ANXA13: variants seen among roughly 807,000 people sequenced by gnomAD.
ANXA13 encodes annexin A13, also known as annexin XIII.
A neutral mutation model predicts 46.6 loss-of-function variants in ANXA13; 36 were observed. The observed-to-expected ratio is 0.77, with a 90% confidence interval of 0.59 to 1.02. The LOEUF (loss-of-function observed/expected upper bound fraction) is 1.02, where lower values mean the gene tolerates loss of function less well. Among genes scored for constraint, ANXA13 ranks in the 50% least tolerant of loss-of-function variants. The pLI is 0.00. For missense variants in ANXA13, 417 were observed against 396.5 expected (o/e 1.05, Z -0.44); for synonymous variants, 163 against 152.9 (o/e 1.07, Z -0.49).
At position 123,681,327 on chromosome 8, in the gene ANXA13, T is replaced by G; in HGVS notation, c.864A>C (p.Gln288His). 1 of 1,614,102 alleles carries G rather than the reference T, an allele frequency of 6.2e-7. No homozygotes were observed. The highest frequency in any genetic ancestry group is 1.1e-5 in the South Asian group (1 of 91,050). The change falls in exon 11 of 11, where the codon CAA becomes CAC. Residue 288 changes from glutamine (Q) to histidine (H), a missense_variant. Transcript: ENST00000419625. ...VDLQGIKAKFQEKYQKSLSDM... is the reference protein window; with the variant it reads ...VDLQGIKAKFHEKYQKSLSDM... ...CAGAGAGAGACTTCTGATACTTCTC[T>G]TGGAACTTTGCTTTGATCCCCTGAA...
intron 10 of ANXA13, among the ~76,000 whole-genome samples, chr8:123,681,813 C>T (rs564193419): frequency 1.2e-4 from 18 of 151,774 alleles, no homozygotes; most frequent in Middle Eastern, 3.4e-3. Flanking sequence ...TTAGTAGAGA[C>T]GGGGGTTTCA....
intron 9 of ANXA13, among the ~76,000 whole-genome samples, chr8:123,686,187 C>T (rs1349362627): frequency 6.6e-6 from 1 of 152,144 alleles, no homozygotes; most frequent in Non-Finnish European, 1.5e-5. Context: ...AAATTATTCA[C>T]TGCAGCCAGG....
At chr8:123,694,173 C>T (rs1813291724) in intron 6 of ANXA13, among the ~76,000 whole-genome samples, 1 of 152,160 alleles carries the variant, frequency 6.6e-6, no homozygotes, top group African/African-American at 2.4e-5. Context: ...CTAACTTGAG[C>T]CCTTTGTGGT....
At chr8:123,705,307 G>A (rs1166523426) in intron 2 of ANXA13, among the ~76,000 whole-genome samples, 1 of 152,200 alleles carries the variant, frequency 6.6e-6, no homozygotes, top group Non-Finnish European at 1.5e-5. Flanking sequence ...AAGCTCGCAT[G>A]TGTTCACTTC....
chr8:123,703,333 T>C (rs1423890153), intron 2 of ANXA13, among the ~76,000 whole-genome samples: 4 of 133,608 alleles, frequency 3.0e-5, no homozygotes, highest in African/African-American at 8.5e-5. Context: ...AGTATACTAG[T>C]GGCTGGGGGT....
chr8:123,695,440 T>G, intron 6 of ANXA13, 62 bp downstream of exon 6: 1 of 1,238,934 alleles, frequency 8.1e-7, no homozygotes, highest in Non-Finnish European at 1.2e-6. Context: ...TTCATCATGG[T>G]GCCATGTTGC....
At chr8:123,716,130 A>T (rs1813754988) in intron 1 of ANXA13, among the ~76,000 whole-genome samples, 2 of 152,144 alleles carry the variant, frequency 1.3e-5, no homozygotes, top group African/African-American at 4.8e-5. Flanking sequence ...CTGTTGCCCA[A>T]GGTAGAGTGT....
rs547247526 is a variant in ANXA13, at chr8:123,708,329, C to T, written c.91+4349G>A. ...TCCGAGAAATTTTCTGGGAAGATAC[C>T]GAGTCACATTTCAGCAGGAAGGGGG... On this transcript the variant is annotated intron_variant, in intron 2 of 10. Coordinates refer to ENST00000419625, the MANE Select transcript of ANXA13 (RefSeq NM_004306.4). Among the ~76,000 whole-genome samples, 8 of 152,282 alleles carry T rather than the reference C, an allele frequency of 5.3e-5. No homozygotes were observed. In the South Asian group the frequency reaches 6.2e-4, roughly 12 times the overall value.
chr8:123,720,399 C>T (rs1269779627), intron 1 of ANXA13, among the ~76,000 whole-genome samples: 1 of 152,156 alleles, frequency 6.6e-6, no homozygotes, highest in African/African-American at 2.4e-5. Context: ...TCGGTTTAGG[C>T]TGTTACCATT....
In ANXA13 at chr8:123,690,526, C is replaced by T. The variant is rs1813214624; in HGVS notation, c.643-1580G>A. ...ACCCTACTCCTGGTAGCTGCTGAGG[C>T]GTCTCCGTGGGACACAATCTGAAAC... On this transcript the variant is annotated intron_variant, in intron 8 of 10. Coordinates refer to ENST00000419625, the MANE Select transcript of ANXA13 (RefSeq NM_004306.4). This position sits in a 1 kb window ranked among gnomAD's most constrained non-coding sequence, Gnocchi z 4.6. Among the ~76,000 whole-genome samples, 1 of 152,192 alleles carries T rather than the reference C, an allele frequency of 6.6e-6. No homozygotes were observed. Among genetic ancestry groups the T allele is most frequent in the Non-Finnish European group, 1.5e-5 (1 of 68,040 alleles).
intron 1 of ANXA13, among the ~76,000 whole-genome samples, chr8:123,717,793 G>T (rs58762075): frequency 1.3e-5 from 2 of 152,160 alleles, no homozygotes; most frequent in East Asian, 3.8e-4. Context: ...CTGACGGGGC[G>T]TGTCTCAGCA....
At chr8:123,699,471 C>T (rs1329412553) in intron 3 of ANXA13, among the ~76,000 whole-genome samples, 1 of 152,236 alleles carries the variant, frequency 6.6e-6, no homozygotes. Context: ...CGTGAGCCAC[C>T]ATGACCCCAG....
At chr8:123,720,299 A>G (rs1203014313) in intron 1 of ANXA13, among the ~76,000 whole-genome samples, 1 of 152,172 alleles carries the variant, frequency 6.6e-6, no homozygotes, top group African/African-American at 2.4e-5. Flanking sequence ...GATTAGAACC[A>G]GGTAGTTTTG....
chr8:123,733,344 T>C (rs1046107531), intron 1 of ANXA13, among the ~76,000 whole-genome samples: 2 of 152,142 alleles, frequency 1.3e-5, no homozygotes, highest in Non-Finnish European at 2.9e-5. Flanking sequence ...GTTAAGACCA[T>C]ACTTATTTTA....
At chr8:123,709,436 T>C (rs1455209426) in intron 2 of ANXA13, among the ~76,000 whole-genome samples, 2 of 151,920 alleles carry the variant, frequency 1.3e-5, no homozygotes, top group Non-Finnish European at 2.9e-5. Flanking sequence ...CTATCTTCTT[T>C]CTTTTCCTCC....
intron 3 of ANXA13, among the ~76,000 whole-genome samples, chr8:123,702,314 C>A (rs1342311941): frequency 6.6e-6 from 1 of 152,040 alleles, no homozygotes; most frequent in Non-Finnish European, 1.5e-5. Context: ...TAAAGACCCA[C>A]TTGTGGAAAC....
At chr8:123,683,821 A>T (rs1454336166) in intron 10 of ANXA13, among the ~76,000 whole-genome samples, 1 of 152,104 alleles carries the variant, frequency 6.6e-6, no homozygotes, top group Non-Finnish European at 1.5e-5. Context: ...TCCTGACCTC[A>T]GGCGATCCAC....
intron 1 of ANXA13, among the ~76,000 whole-genome samples, chr8:123,720,053 TG>T (rs1308488597): frequency 3.3e-5 from 5 of 152,226 alleles, no homozygotes; most frequent in Admixed American, 1.3e-4. Flanking sequence ...ATTATCAAAA[TG>T]CAATGGGAGT....
intron 9 of ANXA13, among the ~76,000 whole-genome samples, chr8:123,686,384 C>A (rs921579771): frequency 4.6e-5 from 7 of 151,238 alleles, no homozygotes; most frequent in Non-Finnish European, 1.0e-4. Flanking sequence ...CACTTGAACC[C>A]GGGAGGCAGA....
Sources: gnomAD v4.1 joint callset for allele counts (sites outside exome capture counted in the v4.1 genomes callset) on GRCh38, gnomAD v4.1.1 for gene constraint, Gnocchi (gnomAD v3.1) non-coding constraint, MANE v1.5 for transcripts, NCBI Gene and HGNC (gene_info 2026-07-23, HGNC 2026-07-21) for gene names.